The following MROH1 variants were observed in gnomAD, a reference collection of about 807,000 sequenced individuals.
MROH1 encodes maestro heat-like repeat-containing protein family member 1.
A neutral mutation model predicts 116.5 loss-of-function variants in MROH1; 117 were observed. That is an observed-to-expected ratio of 1.00 (90% CI 0.86 to 1.17). The LOEUF is 1.17. Ranked by LOEUF, MROH1 falls within the 50% of genes most tolerant of loss-of-function variation. The probability of loss-of-function intolerance (pLI) is 0.00; values close to 1 mark genes in which losing one functional copy is unlikely to be tolerated. For missense variants in MROH1, 1,873 were observed against 1,338.5 expected (o/e 1.40, Z -6.23); for synonymous variants, 921 against 583.9 (o/e 1.58, Z -8.32).
chr8:144,250,729 G>A, intron 33 of MROH1: 1 of 393,594 alleles, frequency 2.5e-6, no homozygotes, highest in Non-Finnish European at 4.9e-6. Context: ...CTTGGTTCCG[G>A]CTACTCCAAG....
intron 10 of MROH1, among the ~76,000 whole-genome samples, chr8:144,197,026 C>T (rs940357069): frequency 6.6e-6 from 1 of 151,990 alleles, no homozygotes; most frequent in Non-Finnish European, 1.5e-5. Flanking sequence ...ACCCAGGAGG[C>T]GGAGGTTGCA....
chr8:144,195,153 C>CCAGTGCATTCCAGCCTGGGTGA (rs1829521438), intron 10 of MROH1, among the ~76,000 whole-genome samples: 4 of 126,668 alleles, frequency 3.2e-5, no homozygotes, highest in African/African-American at 1.2e-4. Context: ...TGTGATCACG[C>CCAGTGCATTCCAGCCTGGGTGA]CAGTGCATTC....
chr8:144,199,867 G>A (rs1335277012), intron 11 of MROH1, among the ~76,000 whole-genome samples: 1 of 152,166 alleles, frequency 6.6e-6, no homozygotes, highest in Non-Finnish European at 1.5e-5. Context: ...GCCAGGCTGG[G>A]GGCAGGGTTG....
rs1210207625 is a variant in MROH1 at position 144,260,994 on chromosome 8, C to G, written c.4624C>G (p.Arg1542Gly). 3.9e-6 allele frequency: 3 copies of G among 773,510 alleles called. No individual in the cohort carries two copies. The highest frequency in any genetic ancestry group is 7.2e-6 in the Non-Finnish European group (3 of 416,898). The allele number at this position is 773,510 out of a possible 1,614,324, so 47.9% of individuals were successfully genotyped here. A position where few individuals can be genotyped will look rare whatever the true frequency, so the allele number is the denominator to read the frequency against. ...AAFQKHLQEG[R>G]ALHFGEFLNT... ...TTTCCAGAAACACCTGCAGGAGGGC[C>G]GAGCCCTGCACTTCGGGGAGTTCCT... The change falls in exon 41 of 44, where the codon CGA becomes GGA. Residue 1542 changes from arginine (R) to glycine (G), a missense_variant. Coordinates refer to ENST00000326134, the MANE Select transcript of MROH1 (RefSeq NM_032450.3).
intron 19 of MROH1, 56 bp downstream of exon 19, chr8:144,240,209 G>T (rs1840732344): frequency 2.8e-6 from 2 of 709,900 alleles, no homozygotes; most frequent in East Asian, 2.6e-5. Flanking sequence ...GGCCTGGGGG[G>T]TGCTGGGGTG....
intron 14 of MROH1, among the ~76,000 whole-genome samples, chr8:144,237,062 C>T (rs1172587685): frequency 1.3e-5 from 2 of 151,724 alleles, no homozygotes; most frequent in African/African-American, 2.4e-5. Context: ...CCCGCCACCA[C>T]GCCCGGCTAA....
In MROH1 at chr8:144,180,182, T is replaced by A. The variant is rs745661263; in HGVS notation, c.305T>A (p.Leu102Gln). Reference sequence around the variant, plus strand: ...CTGCCGGTGTTTTGGGTTCAGGACCTGGTCTGGGACTGGCAGCAGGCGGCG... The same window carrying A: ...CTGCCGGTGTTTTGGGTTCAGGACCAGGTCTGGGACTGGCAGCAGGCGGCG... ...ASSEMTKTKD[L>Q]VWDWQQAASG... Residue 102 changes from leucine (L) to glutamine (Q), a missense_variant, in exon 6 of 44, where the codon CTG becomes CAG. Physicochemically the swap from Leu to Gln is moderately radical, Grantham distance 113. Transcript: ENST00000326134. This position sits in a 1 kb window ranked among gnomAD's most constrained non-coding sequence, Gnocchi z 7.4. The A allele has an allele frequency of 6.2e-7, 1 of 1,613,860 alleles. No individual in the cohort carries two copies. Among genetic ancestry groups the A allele is most frequent in the Non-Finnish European group, 8.5e-7 (1 of 1,179,816 alleles).
intron 4 of MROH1, among the ~76,000 whole-genome samples, chr8:144,169,783 C>T (rs1821983318): frequency 6.7e-6 from 1 of 149,326 alleles, no homozygotes. Context: ...GCTGGGACTA[C>T]AGGTGTGCAC....
intron 35 of MROH1, 55 bp from the exon 36 acceptor site, chr8:144,258,722 G>A: frequency 1.4e-6 from 1 of 727,120 alleles, no homozygotes; most frequent in Non-Finnish European, 2.5e-6. Flanking sequence ...GAGTTAATCA[G>A]GAAGGGAGGT....
chr8:144,217,204 A>G (rs1835463555), intron 12 of MROH1, among the ~76,000 whole-genome samples: 1 of 152,200 alleles, frequency 6.6e-6, no homozygotes. Context: ...TTTAGTCAGG[A>G]GTGACAGGGG....
At chr8:144,208,192 C>T (rs1217154330) in intron 12 of MROH1, among the ~76,000 whole-genome samples, 1 of 152,200 alleles carries the variant, frequency 6.6e-6, no homozygotes, top group Non-Finnish European at 1.5e-5. Context: ...GATCCGCCCG[C>T]CTCGGCCTCC....
intron 4 of MROH1, among the ~76,000 whole-genome samples, chr8:144,174,193 G>A (rs532397391): frequency 6.6e-6 from 1 of 152,298 alleles, no homozygotes; most frequent in South Asian, 2.1e-4. Context: ...TGTAAAATAG[G>A]TGAAGGGTGG....
At chr8:144,176,221 AAATT>A (rs1378061951) in intron 4 of MROH1, among the ~76,000 whole-genome samples, 3 of 151,934 alleles carry the variant, frequency 2.0e-5, no homozygotes, top group Non-Finnish European at 4.4e-5. Flanking sequence ...ACAAAAAAAA[AAATT>A]AGCCAGGAAT....
intron 14 of MROH1, among the ~76,000 whole-genome samples, chr8:144,224,418 C>T (rs960397614): frequency 5.9e-5 from 9 of 152,040 alleles, no homozygotes; most frequent in Non-Finnish European, 7.4e-5. Flanking sequence ...AGGCTCATGC[C>T]ACCACACCTG....
chr8:144,219,446 C>G (rs770034051), intron 12 of MROH1, among the ~76,000 whole-genome samples: 1 of 152,194 alleles, frequency 6.6e-6, no homozygotes, highest in Admixed American at 6.6e-5. Flanking sequence ...CCATGAGCCA[C>G]CACACCTAAC....
chr8:144,160,925 T>C (rs1819373839), intron 1 of MROH1, 45 bp from the exon 2 acceptor site: 1 of 152,714 alleles, frequency 6.5e-6, no homozygotes, highest in South Asian at 2.1e-4. Context: ...GGATTGCTTC[T>C]GCTGTCTCAG....
At chr8:144,210,009 C>A (rs1373144610) in intron 12 of MROH1, among the ~76,000 whole-genome samples, 1 of 151,456 alleles carries the variant, frequency 6.6e-6, no homozygotes, top group Non-Finnish European at 1.5e-5. Flanking sequence ...ACCACCAGGT[C>A]TTTTGGACTG....
rs1029364510 is a variant in MROH1, at chr8:144,244,560, A to G, written c.2766+21A>G. The G allele has an allele frequency of 9.8e-3, 7,088 of 723,950 alleles. 357 individuals are homozygous for G. In the African/African-American group the frequency reaches 0.12, roughly 12 times the overall value. 44.8% of individuals were successfully genotyped at this position (723,950 alleles called of 1,614,324 possible). ...TTGAGGTGTGCAGGGGGGAACTGTC[A>G]TGGGGATGGGGATGGGGGCACAGAG... On this transcript the variant is annotated intron_variant, in intron 28 of 43. Coordinates refer to ENST00000326134, the MANE Select transcript of MROH1 (RefSeq NM_032450.3).
intron 14 of MROH1, among the ~76,000 whole-genome samples, chr8:144,237,803 G>C (rs1274243942): frequency 2.0e-5 from 3 of 152,106 alleles, no homozygotes; most frequent in Non-Finnish European, 4.4e-5. Context: ...TCCCTGTTGC[G>C]GTACTTTTGG....
Sources: allele counts gnomAD v4.1 joint callset (sites outside exome capture counted in the v4.1 genomes callset), GRCh38; gene constraint gnomAD v4.1.1; non-coding constraint Gnocchi (gnomAD v3.1); transcripts MANE v1.5; gene names NCBI Gene and HGNC (gene_info 2026-07-23, HGNC 2026-07-21).